TOP6BL: variants seen among roughly 807,000 people sequenced by gnomAD.
TOP6BL encodes TOP6B like initiator of meiotic double strand breaks.
the TOP6BL span, chr11:66,761,888 G>A: frequency 1.8e-6 from 2 of 1,114,518 alleles, no homozygotes; most frequent in East Asian, 2.4e-5. Context: ...GGGCCTTCTT[G>A]CCATCATTCT....
At chr11:66,789,009 C>T in the TOP6BL span, among the ~76,000 whole-genome samples, 2 of 152,170 alleles carry the variant, frequency 1.3e-5, no homozygotes, top group African/African-American at 4.8e-5. Flanking sequence ...ATCTTAATAA[C>T]CTCCTGAGGG....
the TOP6BL span, chr11:66,800,619 CACTTA>C: frequency 3.3e-5 from 52 of 1,573,858 alleles, no homozygotes; most frequent in East Asian, 1.4e-4. Context: ...TTAAATCTCA[CACTTA>C]ACTTATTGTT....
At chr11:66,840,869 GC>G in the TOP6BL span, among the ~76,000 whole-genome samples, 1 of 152,028 alleles carries the variant, frequency 6.6e-6, no homozygotes, top group African/African-American at 2.4e-5. Flanking sequence ...CTCCCACCCA[GC>G]TATCTTCCAT....
the TOP6BL span, among the ~76,000 whole-genome samples, chr11:66,834,116 T>A: frequency 6.6e-6 from 1 of 152,238 alleles, no homozygotes; most frequent in Non-Finnish European, 1.5e-5. Flanking sequence ...GAATCCCTAA[T>A]CTGTGCCGAG....
the TOP6BL span, among the ~76,000 whole-genome samples, chr11:66,840,831 G>T: frequency 3.0e-4 from 46 of 151,974 alleles, no homozygotes; most frequent in African/African-American, 1.0e-3. Context: ...CTTTCCTCTG[G>T]TCATGCCTAA....
At chr11:66,806,093 G>T in the TOP6BL span, among the ~76,000 whole-genome samples, 7 of 152,146 alleles carry the variant, frequency 4.6e-5, no homozygotes, top group African/African-American at 1.7e-4. Flanking sequence ...CTTGGAAATG[G>T]TCAGATTTAG....
the TOP6BL span, chr11:66,813,929 C>T: frequency 6.2e-7 from 1 of 1,613,756 alleles, no homozygotes; most frequent in Non-Finnish European, 8.5e-7. Context: ...CCGATGACTA[C>T]TTTCTTCAAA....
chr11:66,764,386 G>T, the TOP6BL span, among the ~76,000 whole-genome samples: 1 of 151,706 alleles, frequency 6.6e-6, no homozygotes, highest in Non-Finnish European at 1.5e-5. Flanking sequence ...GGGCGCGGTG[G>T]CTCACACCTG....
chr11:66,811,411 C>T, the TOP6BL span, among the ~76,000 whole-genome samples: 1 of 152,162 alleles, frequency 6.6e-6, no homozygotes, highest in Non-Finnish European at 1.5e-5. Flanking sequence ...AGGCTGGTCT[C>T]GAACTCCTGA....
At chr11:66,819,975 A>T in the TOP6BL span, among the ~76,000 whole-genome samples, 1 of 149,906 alleles carries the variant, frequency 6.7e-6, no homozygotes, top group African/African-American at 2.5e-5. Flanking sequence ...GCTATTCGGG[A>T]GGCTGAGGTG....
the TOP6BL span, among the ~76,000 whole-genome samples, chr11:66,773,955 C>G: frequency 4.6e-4 from 70 of 152,252 alleles, no homozygotes; most frequent in Non-Finnish European, 5.9e-5. Flanking sequence ...TCTCAAACTC[C>G]TGACCTCAGG....
chr11:66,838,334 C>T, the TOP6BL span: 1 of 1,597,858 alleles, frequency 6.3e-7, no homozygotes, highest in Non-Finnish European at 8.6e-7. Context: ...CATGTTTCTA[C>T]AAAACTCACT....
At chr11:66,815,028 T>G in the TOP6BL span, among the ~76,000 whole-genome samples, 2 of 152,156 alleles carry the variant, frequency 1.3e-5, no homozygotes, top group Non-Finnish European at 2.9e-5. Context: ...GGTAGTCTGG[T>G]CGTCTGGCTC....
chr11:66,794,529 A>G, the TOP6BL span, among the ~76,000 whole-genome samples: 1 of 152,164 alleles, frequency 6.6e-6, no homozygotes, highest in East Asian at 1.9e-4. Flanking sequence ...AAAAATCCAG[A>G]TCCTGCACAA....
chr11:66,842,943 G>A, the TOP6BL span: 1 of 1,556,434 alleles, frequency 6.4e-7, no homozygotes. Context: ...CCCCGAGCCC[G>A]TCAGAGGCCG....
the TOP6BL span, chr11:66,761,836 C>G: frequency 1.1e-6 from 1 of 885,458 alleles, no homozygotes; most frequent in South Asian, 1.3e-5. Flanking sequence ...GCCTCCTCTT[C>G]TTGTCCAGCT....
chr11:66,779,488 C>A, the TOP6BL span, among the ~76,000 whole-genome samples: 4 of 152,140 alleles, frequency 2.6e-5, no homozygotes, highest in South Asian at 6.2e-4. Context: ...GTTAGAATGG[C>A]GATCATTAAA....
chr11:66,794,260 T>C, the TOP6BL span, among the ~76,000 whole-genome samples: 18 of 152,202 alleles, frequency 1.2e-4, no homozygotes, highest in South Asian at 2.1e-4. Flanking sequence ...ACCTAGTACA[T>C]GGCTGTGTAT....
At chr11:66,762,178 G>C in the TOP6BL span, 2 of 762,956 alleles carry the variant, frequency 2.6e-6, no homozygotes, top group African/African-American at 1.7e-5. Context: ...TCAAAGCTTT[G>C]TCTCCTTCGC....
Sources: allele counts gnomAD v4.1 joint callset (sites outside exome capture counted in the v4.1 genomes callset), GRCh38; gene constraint gnomAD v4.1.1; transcripts MANE v1.5; gene names NCBI Gene and HGNC (gene_info 2026-07-23, HGNC 2026-07-21).